Variants in SDK2 observed in about 807,000 individuals in gnomAD.
The protein encoded by SDK2 is protein sidekick-2.
In SDK2, 105 loss-of-function variants were observed where a neutral mutation model predicts 253.9. The ratio of observed to expected loss-of-function variants is 0.41; its 90% CI spans 0.35 to 0.49. The LOEUF is 0.49. Among genes scored for constraint, SDK2 ranks in the 20% least tolerant of loss-of-function variants. SDK2 has a pLI of 0.06. For missense variants in SDK2, 2,608 were observed against 3,003.0 expected (o/e 0.87, Z 3.07); for synonymous variants, 1,249 against 1,234.9 (o/e 1.01, Z -0.24).
In SDK2 at chr17:73,349,153, T is replaced by C. The variant is rs187161309; in HGVS notation, c.6039-428A>G. ...ACGTGTGAAATGCCCCCTTGTTACA[T>C]GTAGTAGGGCCCCGGAGCCAGCCTG... On this transcript the variant is annotated intron_variant, in intron 43 of 44. Transcript: ENST00000392650. Among the ~76,000 whole-genome samples the C allele has an allele frequency of 1.4e-3, 215 of 152,184 alleles. 1 individual carries two copies. The highest frequency in any genetic ancestry group is 3.2e-3 in the African/African-American group (135 of 41,550).
At chr17:73,381,039 AC>A in intron 33 of SDK2, 89 bp from the exon 34 acceptor site, 4 of 797,594 alleles carry the variant, frequency 5.0e-6, no homozygotes, top group Non-Finnish European at 8.4e-6. Flanking sequence ...CCACAAAGAA[AC>A]CCCGGCCAGG....
chr17:73,495,075 T>C (rs2063832658), intron 2 of SDK2, among the ~76,000 whole-genome samples: 1 of 152,164 alleles, frequency 6.6e-6, no homozygotes, highest in East Asian at 1.9e-4. Context: ...AGGTGGCCTG[T>C]ACAGCAGGAA....
At chr17:73,425,772 G>T (rs879436965) in intron 12 of SDK2, among the ~76,000 whole-genome samples, 4 of 152,244 alleles carry the variant, frequency 2.6e-5, no homozygotes, top group Non-Finnish European at 4.4e-5. Context: ...CTCCCAAAGT[G>T]CTGGGATTAC....
At chr17:73,470,304 C>T (rs2063639863) in intron 3 of SDK2, among the ~76,000 whole-genome samples, 1 of 152,196 alleles carries the variant, frequency 6.6e-6, no homozygotes, top group Non-Finnish European at 1.5e-5. Flanking sequence ...CACACACACA[C>T]ACAAATATCC....
In SDK2 at chr17:73,437,789, T is replaced by C; in HGVS notation, c.950A>G (p.His317Arg). 1 of 1,614,004 alleles carries C rather than the reference T, an allele frequency of 6.2e-7. No homozygotes were observed. The highest frequency in any genetic ancestry group is 8.5e-7 in the Non-Finnish European group (1 of 1,179,890). The change falls in exon 8 of 45, where the codon CAC (histidine) becomes CGC (arginine). Residue 317 changes from histidine (H) to arginine (R), a missense_variant. This residue lies in a region of SDK2 where 1,505 missense variants were observed against 1,859.1 expected (regional missense o/e 0.81). Coordinates refer to ENST00000392650, the MANE Select transcript of SDK2 (RefSeq NM_001144952.2). ...PPQFVKEPER[H>R]ITAEMEKVVD... ...CACCTTCTCCATCTCCGCAGTGATG[T>C]GTCTTTCTGGCTCCTTGACAAACTG...
At chr17:73,371,149 C>A (rs1438333330) in intron 36 of SDK2, among the ~76,000 whole-genome samples, 2 of 152,202 alleles carry the variant, frequency 1.3e-5, no homozygotes, top group Non-Finnish European at 2.9e-5. Flanking sequence ...TGAAATCATT[C>A]ATTCACTCAT....
intron 14 of SDK2, 145 bp from the exon 15 acceptor site, chr17:73,422,579 C>A (rs2063241707): frequency 1.1e-6 from 1 of 915,014 alleles, no homozygotes; most frequent in Non-Finnish European, 1.7e-6. Context: ...GCCCGCCATG[C>A]CATTTTTCTA....
intron 1 of SDK2, among the ~76,000 whole-genome samples, chr17:73,604,466 T>G (rs2045881957): frequency 6.6e-6 from 1 of 152,118 alleles, no homozygotes; most frequent in Admixed American, 6.5e-5. Context: ...ACATGACACT[T>G]TACATCCCCA....
intron 44 of SDK2, among the ~76,000 whole-genome samples, chr17:73,347,545 C>T (rs1278223841): frequency 1.3e-5 from 2 of 152,192 alleles, no homozygotes; most frequent in African/African-American, 4.8e-5. Context: ...GGCCCTCAGC[C>T]CACGGGGCCC....
At position 73,348,773 on chromosome 17, in the gene SDK2, G is replaced by A. The variant is rs368681735; in HGVS notation, c.6039-48C>T. 4.1e-5 allele frequency: 64 copies of A among 1,562,260 alleles called. No homozygotes were observed. The African/African-American group carries it at 7.3e-4, about 18-fold the overall frequency. On this transcript the variant is annotated intron_variant, in intron 43 of 44. Coordinates refer to ENST00000392650, the MANE Select transcript of SDK2 (RefSeq NM_001144952.2). Reference sequence around the variant, plus strand: ...GCCGAGAGGTGCACTCACTCAGAGCGGCCTCCCCTGGCCTAGGGAGACCAC... The same window carrying A: ...GCCGAGAGGTGCACTCACTCAGAGCAGCCTCCCCTGGCCTAGGGAGACCAC...
At chr17:73,582,583 C>T (rs2145884747) in intron 1 of SDK2, among the ~76,000 whole-genome samples, 1 of 152,288 alleles carries the variant, frequency 6.6e-6, no homozygotes, top group South Asian at 2.1e-4. Flanking sequence ...AGCCGAGGGG[C>T]CAGGCTCCCG....
At chr17:73,355,536 T>TG (rs1036031760) in intron 40 of SDK2, among the ~76,000 whole-genome samples, 11 of 152,052 alleles carry the variant, frequency 7.2e-5, no homozygotes, top group African/African-American at 2.7e-4. Context: ...TTAGCAGAGA[T>TG]GGGGTTTCAC....
chr17:73,550,160 T>A (rs1200333184), intron 1 of SDK2, among the ~76,000 whole-genome samples: 5 of 152,088 alleles, frequency 3.3e-5, no homozygotes, highest in Non-Finnish European at 5.9e-5. Flanking sequence ...CAGGTTGAGC[T>A]GGCCTGGCTT....
At chr17:73,408,047 C>CTTTTTTTT (rs951934202) in intron 18 of SDK2, among the ~76,000 whole-genome samples, 3 of 66,232 alleles carry the variant, frequency 4.5e-5, no homozygotes, top group Non-Finnish European at 6.6e-5. Flanking sequence ...AAAATATTTC[C>CTTTTTTTT]TTTTTTTTTT....
At chr17:73,434,267 A>T (rs2063350494) in intron 9 of SDK2, among the ~76,000 whole-genome samples, 7 of 152,328 alleles carry the variant, frequency 4.6e-5, no homozygotes, top group Admixed American at 4.6e-4. Context: ...GCCACTTTCT[A>T]AGTGGCCCTG....
At chr17:73,548,881 C>A (rs1318126045) in intron 1 of SDK2, among the ~76,000 whole-genome samples, 1 of 152,228 alleles carries the variant, frequency 6.6e-6, no homozygotes, top group Non-Finnish European at 1.5e-5. Context: ...GCCCAGCCTC[C>A]TTCTGGCCCC....
chr17:73,363,848 C>T (rs1018485314), intron 38 of SDK2, among the ~76,000 whole-genome samples: 4 of 152,072 alleles, frequency 2.6e-5, no homozygotes. Flanking sequence ...TCCTCTGCCC[C>T]ACTCCGGCCC....
rs762481061 is a variant in SDK2 at position 73,380,964 on chromosome 17, G to T, written c.4706-14C>A. The T allele has an allele frequency of 2.0e-6, 3 of 1,479,294 alleles. No homozygotes were observed. Among genetic ancestry groups the T allele is most frequent in the Admixed American group, 1.9e-5 (1 of 51,360 alleles). The allele number at this position is 1,479,294 out of a possible 1,614,324, so 91.6% of individuals were successfully genotyped here. A position where few individuals can be genotyped will look rare whatever the true frequency, so the allele number is the denominator to read the frequency against. On this transcript the variant is annotated splice_polypyrimidine_tract_variant and intron_variant, in intron 33 of 44. Coordinates refer to ENST00000392650, the MANE Select transcript of SDK2 (RefSeq NM_001144952.2). ...TGGAGTACATGGCTATGGGGTGGGG[G>T]TGCCGGGGCGGGGGCGCAGAGGGAG...
rs1239528340 is a variant in SDK2 at position 73,424,000 on chromosome 17, G to A, written c.1676C>T (p.Thr559Met). ...DRNGSLHISQ[T>M]WSGDIGTYTC... ...GTACGTGCCGATGTCTCCCGACCAC[G>A]TCTGTGAGATGTGCAGGGAGCCGTT... The change falls in exon 13 of 45, where the codon ACG (threonine) becomes ATG (methionine). Residue 559 changes from threonine (T) to methionine (M), a missense_variant. Thr to Met is a moderately conservative substitution (Grantham distance 81, BLOSUM62 -1). Coordinates refer to ENST00000392650, the MANE Select transcript of SDK2 (RefSeq NM_001144952.2). 2.2e-5 allele frequency: 35 copies of A among 1,611,612 alleles called. No homozygotes were observed. Among genetic ancestry groups the A allele is most frequent in the Non-Finnish European group, 2.8e-5 (33 of 1,179,228 alleles).
Sources: allele counts gnomAD v4.1 joint callset (sites outside exome capture counted in the v4.1 genomes callset), GRCh38; gene constraint gnomAD v4.1.1; regional missense constraint gnomAD v4.1.1; transcripts MANE v1.5; gene names NCBI Gene and HGNC (gene_info 2026-07-23, HGNC 2026-07-21).